LEPR: variants seen among roughly 807,000 people sequenced by gnomAD.
LEPR encodes leptin receptor, also known as OB receptor.
In LEPR, 56 loss-of-function variants were observed where a neutral mutation model predicts 114.7. That is an observed-to-expected ratio of 0.49 (90% CI 0.39 to 0.61). The LOEUF (loss-of-function observed/expected upper bound fraction) is 0.61. Ranked by LOEUF, LEPR falls within the 20% of genes least tolerant of loss-of-function variation. LEPR has a pLI of 0.00. For synonymous variants in LEPR, 443 were observed against 461.4 expected, an observed-to-expected ratio of 0.96 and a Z score of 0.51; for missense variants, 1,202 against 1,352.9, an observed-to-expected ratio of 0.89 and a Z score of 1.75.
chr1:65,474,425 A>C (rs1456999446), intron 2 of LEPR, among the ~76,000 whole-genome samples: 1 of 152,224 alleles, frequency 6.6e-6, no homozygotes, highest in Non-Finnish European at 1.5e-5. Context: ...GCAATTATAA[A>C]AAGGACATGT....
intron 2 of LEPR, among the ~76,000 whole-genome samples, chr1:65,540,820 A>G (rs1021974583): frequency 2.0e-5 from 3 of 152,130 alleles, no homozygotes; most frequent in African/African-American, 7.2e-5. Context: ...GGAGGGAAAG[A>G]TCAGTTTGTT....
At chr1:65,454,165 C>T (rs529638989) in intron 2 of LEPR, among the ~76,000 whole-genome samples, 3 of 151,796 alleles carry the variant, frequency 2.0e-5, no homozygotes, top group South Asian at 2.1e-4. Flanking sequence ...TTATTTTGAG[C>T]CTATGTGTGT....
chr1:65,470,350 C>T (rs192359275), intron 2 of LEPR, among the ~76,000 whole-genome samples: 28 of 152,176 alleles, frequency 1.8e-4, no homozygotes, highest in Admixed American at 2.6e-4. Flanking sequence ...TTGGCAGCTA[C>T]GTATTTTAAA....
chr1:65,553,365 G>A (rs1007948401), intron 2 of LEPR, among the ~76,000 whole-genome samples: 23 of 151,960 alleles, frequency 1.5e-4, no homozygotes, highest in African/African-American at 5.6e-4. Context: ...TCAAACATAG[G>A]TTTGGTCTTT....
At chr1:65,466,202 C>G (rs1438113685) in intron 2 of LEPR, among the ~76,000 whole-genome samples, 2 of 152,262 alleles carry the variant, frequency 1.3e-5, no homozygotes, top group East Asian at 1.9e-4. Context: ...CCTTCAAGAG[C>G]TCTTGTAAGG....
At chr1:65,532,527 T>C (rs867971435) in intron 2 of LEPR, among the ~76,000 whole-genome samples, 1 of 152,184 alleles carries the variant, frequency 6.6e-6, no homozygotes, top group East Asian at 1.9e-4. Flanking sequence ...CAAAAAGTTG[T>C]ACAGAAGTGT....
chr1:65,469,572 C>T (rs1462617709), intron 2 of LEPR, among the ~76,000 whole-genome samples: 1 of 152,168 alleles, frequency 6.6e-6, no homozygotes, highest in Admixed American at 6.5e-5. Flanking sequence ...AGAAATTTGA[C>T]ATTTACACCA....
intron 2 of LEPR, among the ~76,000 whole-genome samples, chr1:65,458,605 C>T (rs774720637): frequency 1.4e-4 from 21 of 151,980 alleles, no homozygotes; most frequent in South Asian, 2.1e-4. Context: ...CTTCCTATAG[C>T]TTCTTTAAGG....
At position 65,622,996 on chromosome 1, in the gene LEPR, T is replaced by A. The variant is rs1435959160; in HGVS notation, c.2673+15T>A. Reference sequence around the variant, plus strand: ...ATTTTCAGAAGGTTGCTTTTTCAATTTTTTTTAACCCAGAATATATACGAT... The same window carrying A: ...ATTTTCAGAAGGTTGCTTTTTCAATATTTTTTAACCCAGAATATATACGAT... On this transcript the variant is annotated intron_variant, in intron 19 of 19. Coordinates refer to ENST00000349533, the MANE Select transcript of LEPR (RefSeq NM_002303.6). The A allele has an allele frequency of 6.2e-7, 1 of 1,612,844 alleles. No individual in the cohort carries two copies. Among genetic ancestry groups the A allele is most frequent in the Admixed American group, 1.7e-5 (1 of 59,908 alleles).
chr1:65,511,665 G>A (rs1312693583), intron 2 of LEPR, among the ~76,000 whole-genome samples: 2 of 152,128 alleles, frequency 1.3e-5, no homozygotes, highest in African/African-American at 2.4e-5. Flanking sequence ...CATGCAAGAG[G>A]TAGTTGAATG....
At chr1:65,503,960 A>T (rs546841045) in intron 2 of LEPR, among the ~76,000 whole-genome samples, 1 of 152,240 alleles carries the variant, frequency 6.6e-6, no homozygotes, top group South Asian at 2.1e-4. Flanking sequence ...GATTCTCAGG[A>T]AGCATACAAT....
At chr1:65,579,797 A>G (rs556013550) in intron 5 of LEPR, among the ~76,000 whole-genome samples, 3 of 152,148 alleles carry the variant, frequency 2.0e-5, no homozygotes, top group Non-Finnish European at 4.4e-5. Flanking sequence ...TCTGAAAAAG[A>G]TAAGTATATG....
chr1:65,467,005 T>C (rs1443256731), intron 2 of LEPR, among the ~76,000 whole-genome samples: 1 of 152,156 alleles, frequency 6.6e-6, no homozygotes, highest in Non-Finnish European at 1.5e-5. Context: ...AAGTTTGTTA[T>C]TACCGACCTT....
rs1203975146 is a variant in LEPR at position 65,636,401 on chromosome 1, G to A, written c.2884G>A (p.Val962Ile). The A allele has an allele frequency of 6.2e-7, 1 of 1,614,090 alleles. No homozygotes were observed. The highest frequency in any genetic ancestry group is 8.5e-7 in the Non-Finnish European group (1 of 1,179,986). Reference protein sequence around the residue: ...SVCISDQFNSVNFSEAEGTEV... With the variant: ...SVCISDQFNSINFSEAEGTEV... Reference sequence around the variant, plus strand: ...TTGTATTAGTGACCAGTTCAACAGTGTTAACTTCTCTGAGGCTGAGGGTAC... The same window carrying A: ...TTGTATTAGTGACCAGTTCAACAGTATTAACTTCTCTGAGGCTGAGGGTAC... The change falls in exon 20 of 20, where the codon GTT becomes ATT. Residue 962 changes from valine (V) to isoleucine (I), a missense_variant. Physicochemically the swap from Val to Ile is conservative, Grantham distance 29. Transcript: ENST00000349533.
intron 5 of LEPR, among the ~76,000 whole-genome samples, chr1:65,589,194 C>T (rs1313921890): frequency 3.9e-5 from 6 of 151,934 alleles, no homozygotes; most frequent in African/African-American, 1.5e-4. Context: ...CTTTCATATG[C>T]TTATTTGCCA....
chr1:65,488,218 C>CTTTCTTTCTTTCTTTCTT lies in LEPR; in HGVS notation c.-21+62841_-21+62842insTTCTTTCTTTCTTTCTTT, dbSNP rs1189228267. 1.5e-3 allele frequency among the ~76,000 whole-genome samples: 97 copies of CTTTCTTTCTTTCTTTCTT among 65,490 alleles called. 1 individual carries two copies. Among genetic ancestry groups the CTTTCTTTCTTTCTTTCTT allele is most frequent in the South Asian group, 2.5e-3 (4 of 1,618 alleles). 43.0% of individuals were successfully genotyped at this position (65,490 alleles called of 152,430 possible). A position where few individuals can be genotyped will look rare whatever the true frequency, so the allele number is the denominator to read the frequency against. On this transcript the variant is annotated intron_variant, in intron 2 of 19. Transcript: ENST00000349533. ...TTTCTTTCTTTCTTTCTTTCTCTCT[C>CTTTCTTTCTTTCTTTCTT]TCTCTCTCTCTTTCTTTCTTTCTTT...
intron 2 of LEPR, among the ~76,000 whole-genome samples, chr1:65,454,489 A>T (rs560990239): frequency 1.4e-4 from 21 of 149,492 alleles, no homozygotes; most frequent in African/African-American, 4.4e-4. Context: ...TGGTGACAAA[A>T]TCTCTCAGCA....
In LEPR at chr1:65,551,891, T is replaced by G. The variant is rs181684669; in HGVS notation, c.-20-13655T>G. On this transcript the variant is annotated intron_variant, in intron 2 of 19. Transcript: ENST00000349533. ...CACCGCTTTATATATGTCCCAGAGA[T>G]TCTGGTACGTTGTGTCTTTGTTCTC... 9.8e-5 allele frequency among the ~76,000 whole-genome samples: 15 copies of G among 152,316 alleles called. No homozygotes were observed. The East Asian group carries it at 2.9e-3, about 29-fold the overall frequency.
chr1:65,531,847 A>G (rs1017058074), intron 2 of LEPR, among the ~76,000 whole-genome samples: 1 of 152,086 alleles, frequency 6.6e-6, no homozygotes, highest in Admixed American at 6.5e-5. Context: ...TAAAGCAGCT[A>G]TGATCCATCT....
Sources: gnomAD v4.1 joint callset for allele counts (sites outside exome capture counted in the v4.1 genomes callset) on GRCh38, gnomAD v4.1.1 for gene constraint, MANE v1.5 for transcripts, NCBI Gene and HGNC (gene_info 2026-07-23, HGNC 2026-07-21) for gene names.